NBEA: variants seen among roughly 807,000 people sequenced by gnomAD.
NBEA encodes the protein neurobeachin.
In NBEA, 44 loss-of-function variants were observed where a neutral mutation model predicts 343.4. That is an observed-to-expected ratio of 0.13 (90% CI 0.10 to 0.16). NBEA has a LOEUF of 0.16. Among genes scored for constraint, NBEA ranks in the 10% least tolerant of loss-of-function variants. The probability of loss-of-function intolerance (pLI) is 1.00; values close to 1 mark genes in which losing one functional copy is unlikely to be tolerated. For missense variants in NBEA, 2,555 were observed against 3,631.3 expected (o/e 0.70, Z 7.62); for synonymous variants, 1,175 against 1,238.7 (o/e 0.95, Z 1.08).
chr13:35,151,370 C>G (rs1308609880), intron 18 of NBEA, among the ~76,000 whole-genome samples: 1 of 151,556 alleles, frequency 6.6e-6, no homozygotes, highest in African/African-American at 2.4e-5. Flanking sequence ...ATGGAGAAAC[C>G]CCATCACTAC....
chr13:35,171,113 C>T (rs374778084), intron 25 of NBEA, 159 bp from the exon 26 acceptor site: 13 of 781,674 alleles, frequency 1.7e-5, no homozygotes, highest in Non-Finnish European at 2.5e-5. Flanking sequence ...AATTTGGTAA[C>T]CAGCTCTGGT....
chr13:35,641,084 A>C (rs1008099983), intron 49 of NBEA, among the ~76,000 whole-genome samples: 2 of 151,984 alleles, frequency 1.3e-5, no homozygotes, highest in Non-Finnish European at 2.9e-5. Flanking sequence ...AGGTAAAGAA[A>C]TAATTATTAT....
At chr13:35,012,927 C>T (rs1397052566) in intron 1 of NBEA, among the ~76,000 whole-genome samples, 3 of 151,890 alleles carry the variant, frequency 2.0e-5, no homozygotes, top group Non-Finnish European at 4.4e-5. Flanking sequence ...AACTAGAGTT[C>T]GAGAATTGAA....
intron 40 of NBEA, among the ~76,000 whole-genome samples, chr13:35,466,305 T>G (rs2075384641): frequency 1.3e-5 from 2 of 152,180 alleles, no homozygotes; most frequent in African/African-American, 4.8e-5. Flanking sequence ...ACAGTGAGCT[T>G]TTGTGTAAAA....
chr13:35,015,004 G>C (rs1177270834), intron 1 of NBEA, among the ~76,000 whole-genome samples: 1 of 151,484 alleles, frequency 6.6e-6, no homozygotes, highest in Non-Finnish European at 1.5e-5. Flanking sequence ...ACTCAGGACA[G>C]GGCCGCATCA....
chr13:35,110,638 A>G (rs1270763096), intron 12 of NBEA, among the ~76,000 whole-genome samples, 172 bp from the exon 13 acceptor site: 1 of 152,098 alleles, frequency 6.6e-6, no homozygotes, highest in East Asian at 1.9e-4. Context: ...TGCAGATTAT[A>G]TATTTTTTAA....
chr13:35,221,165 G>A, intron 33 of NBEA, among the ~76,000 whole-genome samples: 1 of 151,990 alleles, frequency 6.6e-6, no homozygotes, highest in East Asian at 1.9e-4. Context: ...CCTTCATAGT[G>A]AAACCCCATC....
intron 36 of NBEA, among the ~76,000 whole-genome samples, chr13:35,311,068 ATTCAC>A (rs1474372252): frequency 6.6e-6 from 1 of 152,158 alleles, no homozygotes; most frequent in Admixed American, 6.5e-5. Flanking sequence ...TAGGCTTTGC[ATTCAC>A]TGCAACACCA....
At chr13:35,088,254 A>C (rs907111453) in intron 10 of NBEA, among the ~76,000 whole-genome samples, 6 of 151,942 alleles carry the variant, frequency 3.9e-5, no homozygotes, top group African/African-American at 1.4e-4. Context: ...ATGTACCCTA[A>C]ATAATTCCAT....
chr13:35,034,676 C>T (rs2062372904), intron 1 of NBEA, among the ~76,000 whole-genome samples: 1 of 151,494 alleles, frequency 6.6e-6, no homozygotes, highest in Admixed American at 6.6e-5. Context: ...CTTTTCTTTA[C>T]TGGGAGACTT....
chr13:35,502,974 A>G (rs2076944301), intron 41 of NBEA, among the ~76,000 whole-genome samples: 1 of 152,094 alleles, frequency 6.6e-6, no homozygotes. Context: ...TAATAGCCAC[A>G]ACTCCTCCCC....
At chr13:35,460,090 A>G (rs1383887499) in intron 40 of NBEA, among the ~76,000 whole-genome samples, 1 of 152,206 alleles carries the variant, frequency 6.6e-6, no homozygotes, top group Non-Finnish European at 1.5e-5. Context: ...TCTAACTAGA[A>G]GTTATTCAAC....
At chr13:35,056,251 T>C in intron 7 of NBEA, 122 bp downstream of exon 7, 1 of 878,732 alleles carries the variant, frequency 1.1e-6, no homozygotes, top group Non-Finnish European at 1.5e-6. Flanking sequence ...TTATTCTTTT[T>C]ATTAAATAAA....
intron 44 of NBEA, among the ~76,000 whole-genome samples, chr13:35,559,743 G>A (rs1450533803): frequency 6.6e-6 from 1 of 151,764 alleles, no homozygotes; most frequent in Non-Finnish European, 1.5e-5. Flanking sequence ...GTGAAACCCC[G>A]TCTCTACTAA....
intron 55 of NBEA, among the ~76,000 whole-genome samples, chr13:35,664,159 G>A (rs915351213): frequency 3.3e-5 from 5 of 152,176 alleles, no homozygotes; most frequent in African/African-American, 1.2e-4. Flanking sequence ...AGCACCCAGA[G>A]GTCCCATAAG....
At chr13:35,468,448 A>C (rs2152956409) in intron 40 of NBEA, among the ~76,000 whole-genome samples, 1 of 152,326 alleles carries the variant, frequency 6.6e-6, no homozygotes, top group African/African-American at 2.4e-5. Context: ...ACATCTCTTC[A>C]ATTAGAGCTT....
intron 33 of NBEA, among the ~76,000 whole-genome samples, chr13:35,220,050 T>G (rs910394914): frequency 1.3e-5 from 2 of 152,108 alleles, no homozygotes; most frequent in African/African-American, 4.8e-5. Flanking sequence ...ATACACACTT[T>G]GAGAAACAGT....
chr13:35,603,381 AT>A, intron 47 of NBEA, among the ~76,000 whole-genome samples: 1 of 152,282 alleles, frequency 6.6e-6, no homozygotes, highest in East Asian at 1.9e-4. Context: ...CTAAAATTGC[AT>A]TTTCCCCAAT....
intron 1 of NBEA, among the ~76,000 whole-genome samples, chr13:34,944,356 G>A (rs1438117898): frequency 6.6e-6 from 1 of 152,198 alleles, no homozygotes; most frequent in Admixed American, 6.5e-5. Flanking sequence ...CCTGAGACAT[G>A]CATTAGATAA....
Sources: allele counts gnomAD v4.1 joint callset (sites outside exome capture counted in the v4.1 genomes callset), GRCh38; gene constraint gnomAD v4.1.1; transcripts MANE v1.5; gene names NCBI Gene and HGNC (gene_info 2026-07-23, HGNC 2026-07-21).